LTN1: variants seen among roughly 807,000 people sequenced by gnomAD.
LTN1 encodes E3 ubiquitin-protein ligase listerin.
Under a neutral mutation model 201.2 loss-of-function variants are expected in LTN1, and 88 were observed. The observed-to-expected ratio is 0.44, with a 90% CI of 0.37 to 0.52. The LOEUF is 0.52. Ranked by LOEUF, LTN1 falls within the 20% of genes least tolerant of loss-of-function variation. The pLI is 0.00. For synonymous variants in LTN1, 645 were observed against 713.5 expected (o/e 0.90, Z 1.53); for missense variants, 1,752 against 2,038.7 (o/e 0.86, Z 2.71).
At chr21:28,968,355 C>T (rs553111907) in intron 9 of LTN1, among the ~76,000 whole-genome samples, 5 of 152,246 alleles carry the variant, frequency 3.3e-5, no homozygotes, top group South Asian at 2.1e-4. Context: ...CCACAGAGTG[C>T]GGAATCCTAT....
In LTN1 at chr21:28,929,864, C is replaced by A. The variant is rs2084197275; in HGVS notation, c.*584G>T. ...TGATAAATGGAGGCACCTTAAAGTTCAGTTTAAACTCTTTTATATAGGATT... is the reference window on the plus strand; with the variant it reads ...TGATAAATGGAGGCACCTTAAAGTTAAGTTTAAACTCTTTTATATAGGATT... On this transcript the variant is annotated 3_prime_UTR_variant, in exon 30 of 30. Transcript: ENST00000361371. 1 of 152,072 alleles carries A rather than the reference C, an allele frequency of 6.6e-6. No individual in the cohort carries two copies. The highest frequency in any genetic ancestry group is 1.5e-5 in the Non-Finnish European group (1 of 67,996). 9.4% of individuals were successfully genotyped at this position (152,072 alleles called of 1,614,324 possible).
At chr21:28,952,307 T>C (rs766716813) in intron 17 of LTN1, 43 bp from the exon 18 acceptor site, 1 of 1,210,194 alleles carries the variant, frequency 8.3e-7, no homozygotes, top group Non-Finnish European at 1.2e-6. Context: ...TTTGAAAGCA[T>C]ACTGAATAAA....
At chr21:28,977,927 C>CAAA (rs56303862) in intron 6 of LTN1, among the ~76,000 whole-genome samples, 2 of 119,634 alleles carry the variant, frequency 1.7e-5, no homozygotes, top group Non-Finnish European at 3.5e-5. Flanking sequence ...GACTCTGTCT[C>CAAA]AAAAAAAAAA....
chr21:28,941,437 T>C (rs746175898), intron 24 of LTN1, 31 bp from the exon 25 acceptor site: 6 of 1,471,636 alleles, frequency 4.1e-6, no homozygotes, highest in Non-Finnish European at 5.6e-6. Context: ...ACCACAAGTT[T>C]TCTTTATAAT....
intron 4 of LTN1, among the ~76,000 whole-genome samples, chr21:28,983,538 T>C (rs1051921725): frequency 6.6e-6 from 1 of 152,204 alleles, no homozygotes; most frequent in African/African-American, 2.4e-5. Context: ...CTAAATGAGG[T>C]ACTACAATCA....
At chr21:28,958,337 A>C in intron 14 of LTN1, 49 bp downstream of exon 14, 1 of 1,532,328 alleles carries the variant, frequency 6.5e-7, no homozygotes, top group Non-Finnish European at 8.8e-7. Context: ...ATTTAAGGAC[A>C]CTGTTCAAGT....
intron 18 of LTN1, 123 bp downstream of exon 18, chr21:28,952,037 C>T (rs1189332726): frequency 1.2e-5 from 7 of 572,590 alleles, no homozygotes; most frequent in African/African-American, 9.5e-5. Context: ...GCCTTGAAGT[C>T]GTTAATTTCC....
chr21:28,955,578 A>G (rs1325836691), intron 16 of LTN1, among the ~76,000 whole-genome samples: 1 of 152,064 alleles, frequency 6.6e-6, no homozygotes, highest in East Asian at 1.9e-4. Context: ...CAGTGAATGA[A>G]TGGATATATA....
intron 12 of LTN1, 91 bp from the exon 13 acceptor site, chr21:28,959,788 T>C: frequency 1.8e-6 from 2 of 1,117,638 alleles, no homozygotes; most frequent in Non-Finnish European, 2.5e-6. Context: ...TCTATGGGTC[T>C]TTCCTGGATT....
intron 16 of LTN1, among the ~76,000 whole-genome samples, chr21:28,955,415 G>A (rs983309169): frequency 9.2e-5 from 14 of 151,904 alleles, no homozygotes; most frequent in African/African-American, 3.4e-4. Flanking sequence ...CGATATGGAA[G>A]TATTTCAAAA....
At position 28,953,120 on chromosome 21, in the gene LTN1, T is replaced by A. The variant is rs2084396084; in HGVS notation, c.3239+97A>T. 4.0e-6 allele frequency: 3 copies of A among 746,508 alleles called. No homozygotes were observed. The Admixed American group carries it at 8.8e-5, about 22-fold the overall frequency. 46.2% of individuals were successfully genotyped at this position (746,508 alleles called of 1,614,324 possible). A position where few individuals can be genotyped will look rare whatever the true frequency, so the allele number is the denominator to read the frequency against. ...GAATTATTTAGATCAATCCTCTGAC[T>A]GAAACATTAGCATGCAGTAGGGTTA... On this transcript the variant is annotated intron_variant, in intron 17 of 29. Transcript: ENST00000361371.
At chr21:28,973,041 T>C (rs920072023) in intron 6 of LTN1, among the ~76,000 whole-genome samples, 4 of 151,988 alleles carry the variant, frequency 2.6e-5, no homozygotes, top group African/African-American at 7.2e-5. Context: ...ACTCAGCAAA[T>C]ATGTCTTTCA....
intron 25 of LTN1, among the ~76,000 whole-genome samples, chr21:28,939,225 A>G (rs2146261769): frequency 6.6e-6 from 1 of 152,340 alleles, no homozygotes; most frequent in South Asian, 2.1e-4. Flanking sequence ...AGATGTGCAT[A>G]GGTTAGATGC....
At chr21:28,968,860 G>A (rs1601199047) in intron 9 of LTN1, among the ~76,000 whole-genome samples, 2 of 151,626 alleles carry the variant, frequency 1.3e-5, no homozygotes, top group East Asian at 4.0e-4. Flanking sequence ...ACCCACCTCG[G>A]CCTTCCAAAG....
intron 25 of LTN1, among the ~76,000 whole-genome samples, chr21:28,938,855 G>A (rs1023739765): frequency 6.6e-6 from 1 of 152,152 alleles, no homozygotes; most frequent in Non-Finnish European, 1.5e-5. Flanking sequence ...TCCAGAACAG[G>A]CAGATGCATA....
At chr21:28,948,351 C>A (rs2084357762) in intron 18 of LTN1, among the ~76,000 whole-genome samples, 2 of 146,236 alleles carry the variant, frequency 1.4e-5, no homozygotes, top group East Asian at 4.1e-4. Flanking sequence ...CTCATTGCAA[C>A]CTCTGCCTCC....
chr21:28,935,133 A>G lies in LTN1; in HGVS notation c.4851T>C (p.Ser1617=), dbSNP rs143896676. The G allele has an allele frequency of 8.7e-6, 14 of 1,610,656 alleles. No homozygotes were observed. The highest frequency in any genetic ancestry group is 1.3e-5 in the African/African-American group (1 of 74,890). The part of the protein sequence containing the change: ...SFQEISSVQT[S]TQLFNGMTVK... ...CCGTCATGCCATTAAATAGTTGTGTACTTGTTTGTACAGAAGATATTTCTT... is the reference window on the plus strand; with the variant it reads ...CCGTCATGCCATTAAATAGTTGTGTGCTTGTTTGTACAGAAGATATTTCTT... Residue 1617 remains serine (S), a synonymous_variant, in exon 27 of 30, where the codon AGT becomes AGC. Transcript: ENST00000361371.
intron 23 of LTN1, 93 bp from the exon 24 acceptor site, chr21:28,943,429 G>T: frequency 1.3e-6 from 1 of 774,606 alleles, no homozygotes; most frequent in South Asian, 1.7e-5. Context: ...ATTTTATAAT[G>T]AGTAAATGTT....
chr21:28,960,752 C>T, intron 11 of LTN1, 46 bp from the exon 12 acceptor site: 4 of 1,296,162 alleles, frequency 3.1e-6, no homozygotes, highest in Admixed American at 1.8e-5. Context: ...AGATCAAATA[C>T]TCTCTCTGTC....
Sources: allele counts gnomAD v4.1 joint callset (sites outside exome capture counted in the v4.1 genomes callset), GRCh38; gene constraint gnomAD v4.1.1; transcripts MANE v1.5; gene names NCBI Gene and HGNC (gene_info 2026-07-23, HGNC 2026-07-21).